Variants in FANCC observed in about 807,000 individuals in gnomAD.
The protein encoded by FANCC is Fanconi anemia group C protein.
FANCC carries 55 observed loss-of-function variants against 71.3 expected under a neutral mutation model. The observed-to-expected ratio is 0.77, with a 90% CI of 0.62 to 0.97. The LOEUF is 0.97. FANCC is among the 50% of genes least tolerant of loss of function. The pLI is 0.00. For synonymous variants in FANCC, 275 were observed against 244.9 expected (o/e 1.12, Z -1.15); for missense variants, 678 against 670.9 (o/e 1.01, Z -0.12).
At chr9:95,233,087 A>T (rs1177598636) in intron 4 of FANCC, among the ~76,000 whole-genome samples, 1 of 152,158 alleles carries the variant, frequency 6.6e-6, no homozygotes, top group East Asian at 1.9e-4. Flanking sequence ...TGAATCATGC[A>T]CAGCTGGGAA....
intron 1 of FANCC, chr9:95,292,840 A>T: frequency 6.3e-7 from 1 of 1,585,912 alleles, no homozygotes; most frequent in Non-Finnish European, 8.7e-7. Context: ...AAATGTAGCA[A>T]GTGCAGCAAT....
chr9:95,311,967 A>G (rs541927331), intron 1 of FANCC, among the ~76,000 whole-genome samples: 74 of 152,200 alleles, frequency 4.9e-4, no homozygotes, highest in Non-Finnish European at 9.8e-4. Context: ...AGTCACATCT[A>G]AAGTCAGGTC....
intron 4 of FANCC, among the ~76,000 whole-genome samples, chr9:95,181,853 GAA>G (rs1425493715): frequency 6.6e-6 from 1 of 152,256 alleles, no homozygotes; most frequent in African/African-American, 2.4e-5. Context: ...TCATGCGAGT[GAA>G]CTTTCCTAAG....
intron 1 of FANCC, among the ~76,000 whole-genome samples, chr9:95,282,276 A>G (rs190360266): frequency 5.3e-5 from 8 of 152,316 alleles, no homozygotes; most frequent in Admixed American, 3.3e-4. Flanking sequence ...CAGATAAAAT[A>G]GACTTTAAGT....
At chr9:95,223,297 C>T (rs865782455) in intron 4 of FANCC, among the ~76,000 whole-genome samples, 75 of 152,344 alleles carry the variant, frequency 4.9e-4, no homozygotes, top group African/African-American at 1.7e-3. Flanking sequence ...CCTCTCCCTA[C>T]ACTTCTGGGG....
rs1826015011 is a variant in FANCC, at chr9:95,176,439, C to T, written c.346-4292G>A. On this transcript the variant is annotated intron_variant, in intron 4 of 14. Coordinates refer to ENST00000289081, the MANE Select transcript of FANCC (RefSeq NM_000136.3). ...AAGCCTGTTTGCGACCCTGGAGGGC[C>T]ACAGGCTTTTTGGGCCATCAGGACT... Among the ~76,000 whole-genome samples the T allele has an allele frequency of 2.0e-5, 3 of 152,348 alleles. 1 individual carries two copies. In the South Asian group the frequency reaches 6.2e-4, roughly 32 times the overall value.
At chr9:95,311,624 C>T (rs1226646551) in intron 1 of FANCC, among the ~76,000 whole-genome samples, 1 of 151,964 alleles carries the variant, frequency 6.6e-6, no homozygotes, top group Non-Finnish European at 1.5e-5. Flanking sequence ...AATCTTCCAG[C>T]CTCAGCCTCT....
chr9:95,104,266 G>A (rs1050820877), intron 14 of FANCC, among the ~76,000 whole-genome samples: 68 of 152,244 alleles, frequency 4.5e-4, no homozygotes, highest in African/African-American at 1.5e-3. Flanking sequence ...CAAAACATCC[G>A]AAAGGACAGC....
intron 13 of FANCC, chr9:95,110,608 C>A (rs1280157429): frequency 6.5e-5 from 68 of 1,039,532 alleles, no homozygotes; most frequent in Non-Finnish European, 7.3e-5. Context: ...CTATGCCATG[C>A]AAGCCTTTAA....
At chr9:95,154,334 CATAA>C (rs892863635) in intron 6 of FANCC, among the ~76,000 whole-genome samples, 11 of 145,340 alleles carry the variant, frequency 7.6e-5, no homozygotes, top group Non-Finnish European at 1.4e-4. Flanking sequence ...CTGATAGGAA[CATAA>C]ATAAATAAGC....
intron 9 of FANCC, among the ~76,000 whole-genome samples, chr9:95,125,933 T>C (rs1312707237): frequency 6.6e-6 from 1 of 152,178 alleles, no homozygotes; most frequent in Non-Finnish European, 1.5e-5. Context: ...AACTTAGTAC[T>C]CCATGGTTAA....
intron 6 of FANCC, among the ~76,000 whole-genome samples, chr9:95,158,403 TTGAAAGGA>T (rs1830561642): frequency 6.6e-6 from 1 of 152,100 alleles, no homozygotes; most frequent in Admixed American, 6.6e-5. Flanking sequence ...AAGGTAAATG[TTGAAAGGA>T]TATCTGCCAC....
At chr9:95,211,588 T>C (rs1306166171) in intron 4 of FANCC, among the ~76,000 whole-genome samples, 3 of 152,054 alleles carry the variant, frequency 2.0e-5, no homozygotes, top group Non-Finnish European at 4.4e-5. Flanking sequence ...CTACAAAACA[T>C]AAATGTCTGC....
intron 8 of FANCC, among the ~76,000 whole-genome samples, chr9:95,133,144 C>T (rs1490583373): frequency 2.6e-5 from 4 of 152,244 alleles, no homozygotes; most frequent in African/African-American, 9.6e-5. Flanking sequence ...AATTAGGAAG[C>T]AGGCTCTTCA....
chr9:95,144,480 A>T (rs1354665908), intron 7 of FANCC, among the ~76,000 whole-genome samples: 1 of 152,238 alleles, frequency 6.6e-6, no homozygotes, highest in African/African-American at 2.4e-5. Flanking sequence ...CCCTCTGAGC[A>T]CTGTGCTAGA....
At chr9:95,285,980 C>T (rs75477695) in intron 1 of FANCC, among the ~76,000 whole-genome samples, 432 of 152,162 alleles carry the variant, frequency 2.8e-3, no homozygotes, top group Non-Finnish European at 5.2e-3. Flanking sequence ...TGTAATACAG[C>T]CATATGAAGG....
intron 4 of FANCC, among the ~76,000 whole-genome samples, chr9:95,232,109 TG>T (rs1830044785): frequency 6.6e-6 from 1 of 151,994 alleles, no homozygotes; most frequent in Admixed American, 6.5e-5. Context: ...TGGTGGAAGG[TG>T]AAGGGGGAGC....
intron 1 of FANCC, among the ~76,000 whole-genome samples, chr9:95,260,407 G>A (rs1024258873): frequency 6.6e-5 from 10 of 152,122 alleles, no homozygotes; most frequent in Admixed American, 2.6e-4. Context: ...GGATGAAGCC[G>A]GAAGCCGTCA....
intron 1 of FANCC, among the ~76,000 whole-genome samples, chr9:95,269,496 C>A (rs1055969205): frequency 6.6e-6 from 1 of 152,116 alleles, no homozygotes; most frequent in Non-Finnish European, 1.5e-5. Flanking sequence ...GAAGAAAATA[C>A]GTAGGTGTAA....
Sources: gnomAD v4.1 joint callset for allele counts (sites outside exome capture counted in the v4.1 genomes callset) on GRCh38, gnomAD v4.1.1 for gene constraint, MANE v1.5 for transcripts, NCBI Gene and HGNC (gene_info 2026-07-23, HGNC 2026-07-21) for gene names.